XNDC1N: variants seen among roughly 807,000 people sequenced by gnomAD.
XNDC1N encodes XRCC1 N-terminal domain containing 1, N-terminal like.
the XNDC1N span, among the ~76,000 whole-genome samples, chr11:71,902,558 A>G: frequency 1.3e-5 from 2 of 152,242 alleles, no homozygotes; most frequent in African/African-American, 2.4e-5. Context: ...CATGAATTTT[A>G]AAACAAGACC....
At chr11:71,884,989 G>C in the XNDC1N span, among the ~76,000 whole-genome samples, 4 of 151,874 alleles carry the variant, frequency 2.6e-5, no homozygotes, top group African/African-American at 9.7e-5. Context: ...AGCCCCTCTT[G>C]CCCCCCTGGT....
chr11:71,920,396 C>T, the XNDC1N span, among the ~76,000 whole-genome samples: 14 of 152,106 alleles, frequency 9.2e-5, no homozygotes, highest in Admixed American at 5.9e-4. Flanking sequence ...CAACCTCCGC[C>T]TCCCGGGTTC....
chr11:71,920,810 TTCTC>T, the XNDC1N span, among the ~76,000 whole-genome samples: 4 of 152,154 alleles, frequency 2.6e-5, no homozygotes, highest in East Asian at 3.9e-4. Flanking sequence ...GTAAACTACT[TTCTC>T]TCTCTGGGTC....
the XNDC1N span, among the ~76,000 whole-genome samples, chr11:71,901,485 G>T: frequency 6.6e-6 from 1 of 151,666 alleles, no homozygotes; most frequent in Admixed American, 6.5e-5. Context: ...TGTCATCTCA[G>T]CTACTTCGCA....
At chr11:71,875,459 T>C in the XNDC1N span, among the ~76,000 whole-genome samples, 2 of 152,132 alleles carry the variant, frequency 1.3e-5, no homozygotes, top group Non-Finnish European at 2.9e-5. Context: ...TATGTGTTTG[T>C]CTACTCTTAT....
the XNDC1N span, among the ~76,000 whole-genome samples, chr11:71,902,064 C>T: frequency 6.6e-6 from 1 of 152,088 alleles, no homozygotes; most frequent in African/African-American, 2.4e-5. Flanking sequence ...TCTGATTCCC[C>T]AGAGCCTATA....
the XNDC1N span, among the ~76,000 whole-genome samples, chr11:71,901,504 CAGG>C: frequency 0.026 from 3,906 of 152,054 alleles, 205 homozygotes; most frequent in African/African-American, 0.09. Context: ...CAGGCTGAGG[CAGG>C]AGAATAGCTT....
chr11:71,876,157 T>G, the XNDC1N span, among the ~76,000 whole-genome samples: 1 of 152,344 alleles, frequency 6.6e-6, no homozygotes, highest in South Asian at 2.1e-4. Flanking sequence ...AATACTTGAT[T>G]ATAAATTGTT....
the XNDC1N span, among the ~76,000 whole-genome samples, chr11:71,896,517 T>C: frequency 1.1e-4 from 16 of 152,278 alleles, no homozygotes; most frequent in Non-Finnish European, 2.2e-4. Flanking sequence ...TTTCTCATTA[T>C]GCTGGTTTTT....
At chr11:71,888,916 A>T in the XNDC1N span, among the ~76,000 whole-genome samples, 1 of 152,148 alleles carries the variant, frequency 6.6e-6, no homozygotes, top group African/African-American at 2.4e-5. Context: ...GTTGTGTAGA[A>T]GTGTTGGACT....
chr11:71,878,610 T>A, the XNDC1N span: 1 of 1,235,136 alleles, frequency 8.1e-7, no homozygotes, highest in African/African-American at 1.5e-5. Context: ...ATGGGCAGAT[T>A]TTACTGTACC....
the XNDC1N span, among the ~76,000 whole-genome samples, chr11:71,887,108 T>C: frequency 1.3e-5 from 2 of 152,254 alleles, no homozygotes; most frequent in South Asian, 4.2e-4. Flanking sequence ...AGCGTCCCCA[T>C]TGAGCCTCTG....
chr11:71,869,601 A>C, the XNDC1N span, among the ~76,000 whole-genome samples: 1 of 152,228 alleles, frequency 6.6e-6, no homozygotes, highest in African/African-American at 2.4e-5. Context: ...CTATCAGATC[A>C]GTTTTGTTCT....
At chr11:71,887,132 T>A in the XNDC1N span, among the ~76,000 whole-genome samples, 1 of 152,064 alleles carries the variant, frequency 6.6e-6, no homozygotes, top group Non-Finnish European at 1.5e-5. Context: ...ACAATGACAG[T>A]CGGGGGTGGA....
At chr11:71,903,252 C>A in the XNDC1N span, 4 of 1,100,518 alleles carry the variant, frequency 3.6e-6, no homozygotes, top group Non-Finnish European at 5.6e-6. Flanking sequence ...TCAGAGGATC[C>A]AGAACTGCAG....
At chr11:71,911,160 A>C in the XNDC1N span, among the ~76,000 whole-genome samples, 1 of 152,236 alleles carries the variant, frequency 6.6e-6, no homozygotes, top group African/African-American at 2.4e-5. Context: ...AAATAAGTTG[A>C]CTGTTGGGCA....
At chr11:71,910,872 C>T in the XNDC1N span, among the ~76,000 whole-genome samples, 9 of 152,268 alleles carry the variant, frequency 5.9e-5, no homozygotes, top group South Asian at 4.1e-4. Context: ...GGACAGGGAC[C>T]GGGAACCTTT....
At chr11:71,919,668 A>AATGC in the XNDC1N span, among the ~76,000 whole-genome samples, 1 of 145,502 alleles carries the variant, frequency 6.9e-6, no homozygotes, top group African/African-American at 2.6e-5. Flanking sequence ...CCCAGGCTAG[A>AATGC]ATGCAGTGAT....
chr11:71,866,683 A>G, the XNDC1N span, among the ~76,000 whole-genome samples: 117,863 of 151,838 alleles, frequency 0.78, 46,714 homozygotes, highest in African/African-American at 0.94. Flanking sequence ...AGAATCACTT[A>G]AACCCAGGAG....
Sources: allele counts gnomAD v4.1 joint callset (sites outside exome capture counted in the v4.1 genomes callset), GRCh38; gene constraint gnomAD v4.1.1; transcripts MANE v1.5; gene names NCBI Gene and HGNC (gene_info 2026-07-23, HGNC 2026-07-21).